The following CREB5 variants were observed in gnomAD, a reference collection of about 807,000 sequenced individuals.
CREB5 encodes cAMP responsive element binding protein 5.
Under a neutral mutation model 57.1 loss-of-function variants are expected in CREB5, and 19 were observed. The observed-to-expected ratio is 0.33, with a 90% CI of 0.23 to 0.49. The LOEUF is 0.49. CREB5 is among the 20% of genes least tolerant of loss of function. The pLI is 0.99. For missense variants in CREB5, 579 were observed against 671.6 expected (o/e 0.86, Z 1.52); for synonymous variants, 238 against 238.3 (o/e 1.00, Z 0.01).
chr7:28,398,237 G>A (rs1038606486), intron 1 of CREB5, among the ~76,000 whole-genome samples: 1 of 152,092 alleles, frequency 6.6e-6, no homozygotes, highest in African/African-American at 2.4e-5. Flanking sequence ...TTAATTCCAG[G>A]TTTTAGTGTT....
intron 4 of CREB5, among the ~76,000 whole-genome samples, chr7:28,528,378 G>GTT (rs1793538871): frequency 6.6e-6 from 1 of 152,236 alleles, no homozygotes; most frequent in Non-Finnish European, 1.5e-5. Context: ...TCTCAATTAT[G>GTT]TGAAAGCAGT....
At chr7:28,754,257 A>G (rs1036123263) in intron 7 of CREB5, among the ~76,000 whole-genome samples, 2 of 152,144 alleles carry the variant, frequency 1.3e-5, no homozygotes, top group East Asian at 1.9e-4. Flanking sequence ...TGCCATTCTC[A>G]CACCAAAGGC....
intron 3 of CREB5, 54 bp downstream of exon 3, chr7:28,495,053 G>T: frequency 1.6e-6 from 2 of 1,265,402 alleles, no homozygotes; most frequent in Non-Finnish European, 1.1e-6. Context: ...TTCCATGCGA[G>T]ATACTTGTTC....
intron 1 of CREB5, among the ~76,000 whole-genome samples, chr7:28,306,019 G>A (rs1039478080): frequency 3.9e-5 from 6 of 151,922 alleles, no homozygotes; most frequent in African/African-American, 1.5e-4. Context: ...GCTATTGATA[G>A]CAATGTAGGT....
intron 7 of CREB5, among the ~76,000 whole-genome samples, chr7:28,748,791 C>T (rs929453324): frequency 6.6e-5 from 10 of 152,116 alleles, no homozygotes; most frequent in Non-Finnish European, 1.3e-4. Flanking sequence ...AGGTCTTGGC[C>T]CTCCAGACAG....
intron 8 of CREB5, among the ~76,000 whole-genome samples, chr7:28,807,859 G>C (rs1583792608): frequency 6.6e-6 from 1 of 152,022 alleles, no homozygotes; most frequent in East Asian, 1.9e-4. Flanking sequence ...GAAAGCATTA[G>C]GTGTCCAGAC....
At chr7:28,807,995 T>C (rs1441727713) in intron 8 of CREB5, among the ~76,000 whole-genome samples, 1 of 152,232 alleles carries the variant, frequency 6.6e-6, no homozygotes, top group East Asian at 1.9e-4. Context: ...ACACAGACCT[T>C]GCAAGGACTC....
intron 1 of CREB5, among the ~76,000 whole-genome samples, chr7:28,338,358 C>T (rs1034283567): frequency 3.4e-4 from 52 of 152,082 alleles, no homozygotes; most frequent in Non-Finnish European, 8.8e-5. Flanking sequence ...CTTTATTTCT[C>T]CTTCATGTTT....
At chr7:28,400,489 C>G (rs6976778) in intron 1 of CREB5, among the ~76,000 whole-genome samples, 1 of 151,970 alleles carries the variant, frequency 6.6e-6, no homozygotes, top group Non-Finnish European at 1.5e-5. Context: ...GCACAATGTC[C>G]CAGTGTACTG....
In CREB5 at chr7:28,724,198, A is replaced by G. The variant is rs1554291630; in HGVS notation, c.592-24A>G. On this transcript the variant is annotated intron_variant, in intron 6 of 10. Transcript: ENST00000357727. ...CCTAGACTGCCTTTGCAGACTTCTA[A>G]TTCTTTTCTTTCCTTTCTCTTAGAT... is the stretch of plus-strand genomic sequence containing the variant. The G allele has an allele frequency of 1.7e-5, 28 of 1,602,908 alleles. No individual in the cohort carries two copies. In the East Asian group the frequency reaches 5.1e-4, roughly 29 times the overall value.
intron 1 of CREB5, among the ~76,000 whole-genome samples, chr7:28,463,948 T>G (rs1261374701): frequency 6.6e-6 from 1 of 152,216 alleles, no homozygotes; most frequent in Non-Finnish European, 1.5e-5. Flanking sequence ...GGCTAAAACC[T>G]TCAGTGAAAT....
chr7:28,776,324 C>G (rs1261383870), intron 7 of CREB5, among the ~76,000 whole-genome samples: 1 of 129,400 alleles, frequency 7.7e-6, no homozygotes, highest in Non-Finnish European at 1.6e-5. Context: ...GGCGACAGAG[C>G]GAGACTCTGT....
At position 28,528,956 on chromosome 7, in the gene CREB5, A is replaced by ACTTT. The variant is rs1289035834; in HGVS notation, c.291+21219_291+21220insCTTT. 7.7e-4 allele frequency among the ~76,000 whole-genome samples: 118 copies of ACTTT among 152,280 alleles called. 2 individuals carry two copies. The highest frequency in any genetic ancestry group is 7.2e-4 in the Admixed American group (11 of 15,306). ...AAGGCTGGACCTTGGAGAGGTCATG[A>ACTTT]GAGGGTAGAACATCAATTGACTTTG... is the stretch of plus-strand genomic sequence containing the variant. On this transcript the variant is annotated intron_variant, in intron 4 of 10. Transcript: ENST00000357727.
intron 5 of CREB5, among the ~76,000 whole-genome samples, chr7:28,602,058 G>A (rs1400846445): frequency 6.6e-6 from 1 of 151,586 alleles, no homozygotes; most frequent in Non-Finnish European, 1.5e-5. Context: ...TCCTGCATAA[G>A]GGCAATCTTT....
chr7:28,391,898 A>T (rs959546919), intron 1 of CREB5, among the ~76,000 whole-genome samples: 1 of 152,166 alleles, frequency 6.6e-6, no homozygotes, highest in Non-Finnish European at 1.5e-5. Context: ...CCTCCAGAGG[A>T]CATCTCTCCT....
intron 5 of CREB5, among the ~76,000 whole-genome samples, chr7:28,716,940 T>C (rs1283056151): frequency 6.6e-6 from 1 of 152,188 alleles, no homozygotes; most frequent in African/African-American, 2.4e-5. Flanking sequence ...CCCATAGCAC[T>C]TCATCTGCTT....
chr7:28,781,256 T>C (rs1806955778), intron 7 of CREB5, among the ~76,000 whole-genome samples: 1 of 152,186 alleles, frequency 6.6e-6, no homozygotes, highest in African/African-American at 2.4e-5. Context: ...CCATTCCCTA[T>C]GGAAAACATC....
chr7:28,737,584 T>TATATATATATATATAA (rs1562606948), intron 7 of CREB5, among the ~76,000 whole-genome samples: 5 of 27,556 alleles, frequency 1.8e-4, no homozygotes, highest in African/African-American at 4.6e-4. Context: ...TATATATATA[T>TATATATATATATATAA]ATATTTTTAA....
intron 4 of CREB5, among the ~76,000 whole-genome samples, chr7:28,568,966 T>C (rs1251557242): frequency 6.6e-6 from 1 of 152,154 alleles, no homozygotes; most frequent in African/African-American, 2.4e-5. Flanking sequence ...CAGATACATA[T>C]TTTTTCTTTA....
Sources: allele counts gnomAD v4.1 joint callset (sites outside exome capture counted in the v4.1 genomes callset), GRCh38; gene constraint gnomAD v4.1.1; transcripts MANE v1.5; gene names NCBI Gene and HGNC (gene_info 2026-07-23, HGNC 2026-07-21).